Variants in LHX4 observed in about 807,000 individuals in gnomAD.
LHX4 encodes the protein LIM/homeobox protein Lhx4.
In LHX4, 16 loss-of-function variants were observed where a neutral mutation model predicts 39.2. The ratio of observed to expected loss-of-function variants is 0.41; its 90% confidence interval spans 0.28 to 0.62. The LOEUF is 0.62. LHX4 is among the 20% of genes least tolerant of loss of function. LHX4 has a pLI of 0.33. For missense variants in LHX4, 439 were observed against 511.9 expected, an observed-to-expected ratio of 0.86 and a Z score of 1.37; for synonymous variants, 206 against 198.1, an observed-to-expected ratio of 1.04 and a Z score of -0.33.
rs1389328209 is a variant in LHX4, at chr1:180,234,220, T to TATATATAAAA, written c.76+3616_76+3617insTATATAAAAA. On this transcript the variant is annotated intron_variant, in intron 1 of 5. Transcript: ENST00000263726. The surrounding 1 kb of genome is among the most constrained non-coding windows in gnomAD (Gnocchi z 4.8). The stretch of plus-strand genomic sequence containing the variant: ...ATATATATATATATATATATATATA[T>TATATATAAAA]AATAGATTGAGATTCTATCATATTC... Among the ~76,000 whole-genome samples, 5 of 70,208 alleles carry TATATATAAAA rather than the reference T, an allele frequency of 7.1e-5. No individual in the cohort carries two copies. Among genetic ancestry groups the TATATATAAAA allele is most frequent in the African/African-American group, 3.8e-4 (5 of 13,248 alleles). The allele number at this position is 70,208 out of a possible 152,430, so 46.1% of individuals were successfully genotyped here.
intron 2 of LHX4, among the ~76,000 whole-genome samples, chr1:180,253,905 G>A (rs765684672): frequency 1.3e-5 from 2 of 152,218 alleles, no homozygotes; most frequent in Non-Finnish European, 2.9e-5. Flanking sequence ...TCAGTTAGTG[G>A]GGGGTTAGCC....
chr1:180,245,718 C>T (rs2149255622), intron 1 of LHX4, among the ~76,000 whole-genome samples: 1 of 152,352 alleles, frequency 6.6e-6, no homozygotes, highest in South Asian at 2.1e-4. Flanking sequence ...TTGCTCCTCA[C>T]AACAATCCTA....
intron 1 of LHX4, among the ~76,000 whole-genome samples, chr1:180,235,546 GCTC>G (rs1209795370): frequency 6.6e-6 from 1 of 152,228 alleles, no homozygotes; most frequent in African/African-American, 2.4e-5. Flanking sequence ...TTTCGAAGGG[GCTC>G]CTCCTCTTCG....
Position 180,232,912 on chromosome 1 carries a change from A to G in LHX4, c.76+2307A>G, listed in dbSNP as rs936567386. 3.9e-5 allele frequency among the ~76,000 whole-genome samples: 6 copies of G among 152,198 alleles called. No individual in the cohort carries two copies. The highest frequency in any genetic ancestry group is 7.4e-5 in the Non-Finnish European group (5 of 68,026). On this transcript the variant is annotated intron_variant, in intron 1 of 5. Coordinates refer to ENST00000263726, the MANE Select transcript of LHX4 (RefSeq NM_033343.4). This position sits in a 1 kb window ranked among gnomAD's most constrained non-coding sequence, Gnocchi z 5.4. ...CTTAAACCCTAGAGGAGGGGAGACA[A>G]AAGAAACGCTCTCCCACAGGGGTCC...
chr1:180,271,636 C>T (rs1449202607), intron 4 of LHX4, 102 bp downstream of exon 4: 3 of 1,479,510 alleles, frequency 2.0e-6, no homozygotes, highest in South Asian at 1.1e-5. Context: ...GGGCTCAGGG[C>T]TTGACCCCAG....
At chr1:180,260,892 G>C (rs752183433) in intron 2 of LHX4, among the ~76,000 whole-genome samples, 1 of 151,790 alleles carries the variant, frequency 6.6e-6, no homozygotes, top group South Asian at 2.1e-4. Flanking sequence ...TCTCTCGCTC[G>C]TTGCCCTTGG....
At chr1:180,265,975 G>A (rs1648293337) in intron 2 of LHX4, among the ~76,000 whole-genome samples, 1 of 152,184 alleles carries the variant, frequency 6.6e-6, no homozygotes, top group African/African-American at 2.4e-5. Flanking sequence ...CACAGCCTGT[G>A]GCACACACAG....
In LHX4 at chr1:180,245,281, C is replaced by T. The variant is rs533834734; in HGVS notation, c.77-3004C>T. Among the ~76,000 whole-genome samples the T allele has an allele frequency of 2.2e-4, 34 of 152,340 alleles. No homozygotes were observed. In the South Asian group the frequency reaches 4.8e-3, roughly 21 times the overall value. On this transcript the variant is annotated intron_variant, in intron 1 of 5. Transcript: ENST00000263726. Reference sequence around the variant, plus strand: ...GTCCCCTACTTTCTCCTGCTTCAGACTGGGGGGCGTCACACCAAAGGAGTT... The same window carrying T: ...GTCCCCTACTTTCTCCTGCTTCAGATTGGGGGGCGTCACACCAAAGGAGTT...
chr1:180,234,908 G>T lies in LHX4; in HGVS notation c.76+4303G>T, dbSNP rs996770066. ...CCGGGGCAGGGCTCCTCCGCCCCGCGGGCAGATGCCGGCCTGGGTGGCCCG... is the reference window on the plus strand; with the variant it reads ...CCGGGGCAGGGCTCCTCCGCCCCGCTGGCAGATGCCGGCCTGGGTGGCCCG... On this transcript the variant is annotated intron_variant, in intron 1 of 5. Coordinates refer to ENST00000263726, the MANE Select transcript of LHX4 (RefSeq NM_033343.4). This position sits in a 1 kb window ranked among gnomAD's most constrained non-coding sequence, Gnocchi z 4.8. Among the ~76,000 whole-genome samples the T allele has an allele frequency of 2.0e-5, 3 of 152,198 alleles. No homozygotes were observed. Among genetic ancestry groups the T allele is most frequent in the African/African-American group, 7.2e-5 (3 of 41,458 alleles).
chr1:180,236,064 A>G (rs1437177491), intron 1 of LHX4, among the ~76,000 whole-genome samples: 2 of 152,086 alleles, frequency 1.3e-5, no homozygotes, highest in Non-Finnish European at 2.9e-5. Flanking sequence ...CACGCCAAAA[A>G]CAAAGGGGGG....
At position 180,274,319 on chromosome 1, in the gene LHX4, G is replaced by A; in HGVS notation, c.913G>A (p.Gly305Arg). The A allele has an allele frequency of 6.2e-7, 1 of 1,614,230 alleles. No individual in the cohort carries two copies. Among genetic ancestry groups the A allele is most frequent in the Admixed American group, 1.7e-5 (1 of 60,020 alleles). ...TGQSYQDLRDGSPYGIPQSPS... is the reference protein window; with the variant it reads ...TGQSYQDLRDRSPYGIPQSPS... ...ACAATCCTATCAGGACTTGAGGGATGGGAGCCCCTATGGAATCCCCCAGTC... is the reference window on the plus strand; with the variant it reads ...ACAATCCTATCAGGACTTGAGGGATAGGAGCCCCTATGGAATCCCCCAGTC... The change falls in exon 6 of 6, where the codon GGG (glycine) becomes AGG (arginine). Residue 305 changes from glycine (G) to arginine (R), a missense_variant. Gly to Arg is a moderately radical substitution (Grantham distance 125). Transcript: ENST00000263726.
At chr1:180,231,290 CA>C (rs1027540241) in intron 1 of LHX4, among the ~76,000 whole-genome samples, 1 of 151,952 alleles carries the variant, frequency 6.6e-6, no homozygotes, top group African/African-American at 2.4e-5. Context: ...CACGCGAGGG[CA>C]GGTGCTCAGG....
Position 180,271,554 on chromosome 1 carries a change from G to A in LHX4, c.606+20G>A, listed in dbSNP as rs774427400. 1.1e-5 allele frequency: 18 copies of A among 1,613,758 alleles called. No homozygotes were observed. The highest frequency in any genetic ancestry group is 1.4e-5 in the Non-Finnish European group (17 of 1,179,798). Reference sequence around the variant, plus strand: ...GTACAGGTGAGATGCCAGCACTCCTGTGCCCTCCGGGGATCCCAGGCCCGG... The same window carrying A: ...GTACAGGTGAGATGCCAGCACTCCTATGCCCTCCGGGGATCCCAGGCCCGG... On this transcript the variant is annotated intron_variant, in intron 4 of 5. Coordinates refer to ENST00000263726, the MANE Select transcript of LHX4 (RefSeq NM_033343.4).
At position 180,271,902 on chromosome 1, in the gene LHX4, G is replaced by T. The variant is rs748217238; in HGVS notation, c.674G>T (p.Gly225Val). 6.2e-7 allele frequency: 1 copy of T among 1,613,630 alleles called. No individual in the cohort carries two copies. The highest frequency in any genetic ancestry group is 1.1e-5 in the South Asian group (1 of 91,056). ...LKKDAGRHRW[G>V]QFYKSVKRSR... ...AAGGATGCAGGGCGGCACCGCTGGG[G>T]GCAGTTCTATAAGAGCGTCAAGAGG... The change falls in exon 5 of 6, where the codon GGG (glycine) becomes GTG (valine). Residue 225 changes from glycine (G) to valine (V), a missense_variant. Coordinates refer to ENST00000263726, the MANE Select transcript of LHX4 (RefSeq NM_033343.4).
intron 2 of LHX4, among the ~76,000 whole-genome samples, chr1:180,252,363 A>G (rs183316364): frequency 1.1e-4 from 16 of 152,356 alleles, no homozygotes; most frequent in Middle Eastern, 3.4e-3. Flanking sequence ...CAGGTGCCAC[A>G]TACTTGAATT....
intron 1 of LHX4, among the ~76,000 whole-genome samples, chr1:180,241,201 G>T (rs899622760): frequency 3.3e-5 from 5 of 152,166 alleles, no homozygotes; most frequent in African/African-American, 1.2e-4. Context: ...TTCTGCAGAG[G>T]AAAGAGTCTG....
intron 1 of LHX4, among the ~76,000 whole-genome samples, chr1:180,240,343 C>G (rs1462025657): frequency 6.6e-6 from 1 of 152,138 alleles, no homozygotes; most frequent in Non-Finnish European, 1.5e-5. Context: ...CTAAACATTC[C>G]TATCAGTACA....
chr1:180,232,420 G>A lies in LHX4; in HGVS notation c.76+1815G>A, dbSNP rs1664203845. ...CTTTGATGTTCGACGTCAGGGAGTC[G>A]CTTTGCTAAAATGCCCAGAACTCAC... On this transcript the variant is annotated intron_variant, in intron 1 of 5. Transcript: ENST00000263726. The surrounding 1 kb of genome is among the most constrained non-coding windows in gnomAD (Gnocchi z 5.4). Among the ~76,000 whole-genome samples, 1 of 152,118 alleles carries A rather than the reference G, an allele frequency of 6.6e-6. No homozygotes were observed. The highest frequency in any genetic ancestry group is 6.5e-5 in the Admixed American group (1 of 15,278).
chr1:180,231,585 G>T (rs1664182334), intron 1 of LHX4, among the ~76,000 whole-genome samples: 1 of 140,046 alleles, frequency 7.1e-6, no homozygotes, highest in Non-Finnish European at 1.6e-5. Context: ...CGCGACAAGC[G>T]CCGGGAGAGT....
Sources: gnomAD v4.1 joint callset for allele counts (sites outside exome capture counted in the v4.1 genomes callset) on GRCh38, gnomAD v4.1.1 for gene constraint, Gnocchi (gnomAD v3.1) non-coding constraint, MANE v1.5 for transcripts, NCBI Gene and HGNC (gene_info 2026-07-23, HGNC 2026-07-21) for gene names.